Variants in PCDHGB7 observed in about 807,000 individuals in gnomAD.
The protein encoded by PCDHGB7 is protocadherin gamma-B7.
PCDHGB7 carries 37 observed loss-of-function variants against 61.4 expected under a neutral mutation model. The observed-to-expected ratio is 0.60, with a 90% CI of 0.46 to 0.79. The LOEUF is 0.79. Ranked by LOEUF, PCDHGB7 falls within the 30% of genes least tolerant of loss-of-function variation. PCDHGB7 has a pLI of 0.00. For synonymous variants in PCDHGB7, 464 were observed against 503.5 expected, an observed-to-expected ratio of 0.92 and a Z score of 1.05; for missense variants, 1,166 against 1,202.5, an observed-to-expected ratio of 0.97 and a Z score of 0.45.
At chr5:141,501,510 T>G (rs11744379) in intron 2 of PCDHGB7, among the ~76,000 whole-genome samples, 29,206 of 151,772 alleles carry the variant, frequency 0.19, 2,837 homozygotes, top group Middle Eastern at 0.24. Context: ...CTCCAAGGCC[T>G]CCAAGCTGAA....
chr5:141,443,788 A>C (rs1468852602), intron 1 of PCDHGB7, among the ~76,000 whole-genome samples: 2 of 152,224 alleles, frequency 1.3e-5, no homozygotes, highest in African/African-American at 4.8e-5. Context: ...AGACAAAAAA[A>C]ATGAAAAGGA....
At position 141,511,481 on chromosome 5, in the gene PCDHGB7, ACTC is replaced by A. The variant is rs2154594681; in HGVS notation, c.*313_*315del. On this transcript the variant is annotated 3_prime_UTR_variant, in exon 4 of 4. Coordinates refer to ENST00000398594, the MANE Select transcript of PCDHGB7 (RefSeq NM_018927.4). ...CCACACCCCGTTTAGTTACAGCTGAACTCCTCCATCTTCCAAATCAATCAGGCC... is the reference window on the plus strand; with the variant it reads ...CCACACCCCGTTTAGTTACAGCTGAACTCCATCTTCCAAATCAATCAGGCC... 2 of 464,080 alleles carry A rather than the reference ACTC, an allele frequency of 4.3e-6. No individual in the cohort carries two copies. The highest frequency in any genetic ancestry group is 7.7e-6 in the Non-Finnish European group (2 of 260,856). The allele number at this position is 464,080 out of a possible 1,614,324, so 28.7% of individuals were successfully genotyped here.
intron 1 of PCDHGB7, among the ~76,000 whole-genome samples, chr5:141,435,698 A>G (rs954167256): frequency 1.3e-5 from 2 of 152,184 alleles, no homozygotes; most frequent in African/African-American, 4.8e-5. Context: ...CTTATTGTAG[A>G]GTGGTTACAG....
In PCDHGB7 at chr5:141,432,931, G is replaced by A. The variant is rs2097550450; in HGVS notation, c.2415+12657G>A. The A allele has an allele frequency of 6.2e-7, 1 of 1,614,198 alleles. No individual in the cohort carries two copies. The highest frequency in any genetic ancestry group is 2.2e-5 in the East Asian group (1 of 44,864). Reference sequence around the variant, plus strand: ...TGCGGCGCTGGCACAAGTCACGCCTGCTGCAGGCTTCAGGAGGCGGCTTGA... The same window carrying A: ...TGCGGCGCTGGCACAAGTCACGCCTACTGCAGGCTTCAGGAGGCGGCTTGA... On this transcript the variant is annotated intron_variant, in intron 1 of 3. Transcript: ENST00000398594. The surrounding 1 kb of genome is among the most constrained non-coding windows in gnomAD (Gnocchi z 6.0).
Position 141,417,833 on chromosome 5 carries a change from G to A in PCDHGB7, c.-27G>A, listed in dbSNP as rs968698994. ...TGCACTTTCTCCAACTGGAAAAGCG[G>A]GGACCCAGCGAGAACCCGAGCGAAC... On this transcript the variant is annotated 5_prime_UTR_variant, in exon 1 of 4. Transcript: ENST00000398594. The A allele has an allele frequency of 5.2e-6, 8 of 1,529,614 alleles. No homozygotes were observed. Among genetic ancestry groups the A allele is most frequent in the Middle Eastern group, 1.7e-4 (1 of 5,774 alleles). The allele number at this position is 1,529,614 out of a possible 1,614,324, so 94.8% of individuals were successfully genotyped here.
chr5:141,460,128 T>C (rs10051366), intron 1 of PCDHGB7, among the ~76,000 whole-genome samples: 42,386 of 151,808 alleles, frequency 0.28, 6,635 homozygotes, highest in African/African-American at 0.43. Context: ...ATATGTAATA[T>C]ATATATTCTT....
rs1175280816 is a variant in PCDHGB7 at position 141,511,121 on chromosome 5, C to T, written c.2738C>T (p.Pro913Leu). 2 of 1,614,102 alleles carry T rather than the reference C, an allele frequency of 1.2e-6. No homozygotes were observed. Among genetic ancestry groups the T allele is most frequent in the African/African-American group, 1.3e-5 (1 of 74,938 alleles). Residue 913 changes from proline (P) to leucine (L), a missense_variant, in exon 4 of 4, where the codon CCA becomes CTA. Transcript: ENST00000398594. ...GCTGGCAAGCGGGATGGCAAGGCCCCAGCAGGTGGCAATGGCAACAAGAAG... is the reference window on the plus strand; with the variant it reads ...GCTGGCAAGCGGGATGGCAAGGCCCTAGCAGGTGGCAATGGCAACAAGAAG... ...NAAGKRDGKA[P>L]AGGNGNKKKS...
At chr5:141,427,683 G>C in intron 1 of PCDHGB7, 1 of 836,052 alleles carries the variant, frequency 1.2e-6, no homozygotes. Flanking sequence ...CCTTCCCGGA[G>C]CCTCCATCCC....
At chr5:141,478,239 C>G in intron 1 of PCDHGB7, 1 of 1,614,132 alleles carries the variant, frequency 6.2e-7, no homozygotes. Flanking sequence ...TTTGTGGTCA[C>G]AGTGTTCGGA....
Position 141,438,625 on chromosome 5 carries a change from TATATATATATACAC to T in PCDHGB7, c.2415+18353_2415+18366del, listed in dbSNP as rs1291649000. Among the ~76,000 whole-genome samples, 88 of 46,398 alleles carry T rather than the reference TATATATATATACAC, an allele frequency of 1.9e-3. 1 individual carries two copies. The highest frequency in any genetic ancestry group is 8.6e-3 in the African/African-American group (72 of 8,380). 30.4% of individuals were successfully genotyped at this position (46,398 alleles called of 152,430 possible). A position where few individuals can be genotyped will look rare whatever the true frequency, so the allele number is the denominator to read the frequency against. ...ATATATATATATATATATATATATATATATATATATACACACACACACACACATATATGTATATA... is the reference window on the plus strand; with the variant it reads ...ATATATATATATATATATATATATATACACACACACACATATATGTATATA... On this transcript the variant is annotated intron_variant, in intron 1 of 3. Transcript: ENST00000398594.
At chr5:141,508,570 C>T (rs1164806696) in intron 3 of PCDHGB7, among the ~76,000 whole-genome samples, 21 of 152,198 alleles carry the variant, frequency 1.4e-4, no homozygotes. Context: ...GTCACTTGCA[C>T]CCACTCGGGG....
intron 1 of PCDHGB7, chr5:141,478,841 A>G (rs1335486924): frequency 1.4e-5 from 19 of 1,405,590 alleles, no homozygotes; most frequent in Non-Finnish European, 1.8e-5. Flanking sequence ...GGGATGGTTA[A>G]GCTAAAACAC....
intron 1 of PCDHGB7, among the ~76,000 whole-genome samples, chr5:141,451,062 T>C (rs1292296274): frequency 1.3e-5 from 2 of 151,500 alleles, no homozygotes; most frequent in Non-Finnish European, 2.9e-5. Flanking sequence ...ACTCCTGACC[T>C]TGTGATCCAC....
rs1272694679 is a variant in PCDHGB7, at chr5:141,486,884, C to T, written c.2416-7923C>T. 7 of 1,614,106 alleles carry T rather than the reference C, an allele frequency of 4.3e-6. No individual in the cohort carries two copies. The highest frequency in any genetic ancestry group is 1.1e-5 in the South Asian group (1 of 91,082). ...TCCAGCTGTGCTCCGTCCTCGGGCC[C>T]GGCCTGGTTCCTTATGTCCCCAAGC... On this transcript the variant is annotated intron_variant, in intron 1 of 3. Coordinates refer to ENST00000398594, the MANE Select transcript of PCDHGB7 (RefSeq NM_018927.4). The surrounding 1 kb of genome is among the most constrained non-coding windows in gnomAD (Gnocchi z 5.0).
At chr5:141,501,871 C>T (rs562714939) in intron 2 of PCDHGB7, among the ~76,000 whole-genome samples, 3 of 152,244 alleles carry the variant, frequency 2.0e-5, no homozygotes, top group African/African-American at 7.2e-5. Context: ...CAGGACGCCT[C>T]CTTACACTCC....
Position 141,419,942 on chromosome 5 carries a change from G to A in PCDHGB7, c.2083G>A (p.Ala695Thr). 6.2e-7 allele frequency: 1 copy of A among 1,614,070 alleles called. No homozygotes were observed. The change falls in exon 1 of 4, where the codon GCC (alanine) becomes ACC (threonine). Residue 695 changes from alanine (A) to threonine (T), a missense_variant. Physicochemically the swap from Ala to Thr is moderately conservative, Grantham distance 58. Coordinates refer to ENST00000398594, the MANE Select transcript of PCDHGB7 (RefSeq NM_018927.4). ...TGAGATGCAGTTTTACCTGGTGGTG[G>A]CCTTGGCCTTGATTTCTGTGCTCTT... ...QAEMQFYLVVALALISVLFLL... is the reference protein window; with the variant it reads ...QAEMQFYLVVTLALISVLFLL...
chr5:141,432,800 C>T lies in PCDHGB7; in HGVS notation c.2415+12526C>T. The T allele has an allele frequency of 6.2e-7, 1 of 1,614,156 alleles. No individual in the cohort carries two copies. The highest frequency in any genetic ancestry group is 8.5e-7 in the Non-Finnish European group (1 of 1,180,008). ...GGCGGACCTCGGCAGCCTCGAGTCT[C>T]CAGCTAACTCTGAAACCTCAGACCT... On this transcript the variant is annotated intron_variant, in intron 1 of 3. Transcript: ENST00000398594. This position sits in a 1 kb window ranked among gnomAD's most constrained non-coding sequence, Gnocchi z 6.0.
chr5:141,479,466 C>G (rs1004384273), intron 1 of PCDHGB7: 1 of 152,224 alleles, frequency 6.6e-6, no homozygotes, highest in Non-Finnish European at 1.5e-5. Flanking sequence ...AATACAGTGA[C>G]CTCTTGGGAG....
At chr5:141,443,321 A>AC (rs1175439570) in intron 1 of PCDHGB7, among the ~76,000 whole-genome samples, 1 of 151,616 alleles carries the variant, frequency 6.6e-6, no homozygotes, top group African/African-American at 2.4e-5. Flanking sequence ...TCTCTACAAA[A>AC]AAAAAAAACA....
Sources: gnomAD v4.1 joint callset for allele counts (sites outside exome capture counted in the v4.1 genomes callset) on GRCh38, gnomAD v4.1.1 for gene constraint, Gnocchi (gnomAD v3.1) non-coding constraint, MANE v1.5 for transcripts, NCBI Gene and HGNC (gene_info 2026-07-23, HGNC 2026-07-21) for gene names.